ARID4B: variants seen among roughly 807,000 people sequenced by gnomAD.
The protein encoded by ARID4B is AT-rich interactive domain-containing protein 4B.
ARID4B carries 26 observed loss-of-function variants against 147.5 expected under a neutral mutation model. The ratio of observed to expected loss-of-function variants is 0.18; its 90% CI spans 0.13 to 0.24. The LOEUF is 0.24. ARID4B is among the 10% of genes least tolerant of loss of function. ARID4B has a pLI of 1.00. For missense variants in ARID4B, 1,179 were observed against 1,511.5 expected (o/e 0.78, Z 3.65); for synonymous variants, 512 against 507.9 (o/e 1.01, Z -0.11).
At chr1:235,290,034 TA>T (rs35157276) in intron 2 of ARID4B, among the ~76,000 whole-genome samples, 43,845 of 143,166 alleles carry the variant, frequency 0.31, 7,339 homozygotes, top group South Asian at 0.54. Flanking sequence ...ACTCTATCTC[TA>T]AAAAAAAAAA....
In ARID4B at chr1:235,168,338, G is replaced by C. The variant is rs572381678; in HGVS notation, c.*187C>G. The C allele has an allele frequency of 3.5e-6, 2 of 565,360 alleles. No individual in the cohort carries two copies. Among genetic ancestry groups the C allele is most frequent in the African/African-American group, 1.9e-5 (1 of 52,020 alleles). The allele number at this position is 565,360 out of a possible 1,614,324, so 35.0% of individuals were successfully genotyped here. ...CAAGTTGGAAACAATTATTGCTTGA[G>C]GAAAAGCAGTTCATTGTACTTTTTC... On this transcript the variant is annotated 3_prime_UTR_variant, in exon 24 of 24. Transcript: ENST00000264183.
chr1:235,321,446 T>C (rs1333954175), intron 2 of ARID4B, among the ~76,000 whole-genome samples: 2 of 151,980 alleles, frequency 1.3e-5, no homozygotes, highest in East Asian at 3.8e-4. Flanking sequence ...GTAACATCTA[T>C]CTAATTTCCT....
At chr1:235,322,321 A>C (rs1415233772) in intron 2 of ARID4B, among the ~76,000 whole-genome samples, 1 of 152,120 alleles carries the variant, frequency 6.6e-6, no homozygotes, top group Non-Finnish European at 1.5e-5. Flanking sequence ...TGCCTGGCCA[A>C]GAAAATTTTC....
intron 2 of ARID4B, among the ~76,000 whole-genome samples, chr1:235,280,341 T>C (rs1454280355): frequency 6.6e-6 from 1 of 152,198 alleles, no homozygotes; most frequent in Non-Finnish European, 1.5e-5. Flanking sequence ...TCACTGACAA[T>C]CCAAGGGAAA....
In ARID4B at chr1:235,196,220, G is replaced by A. The variant is rs1277150605; in HGVS notation, c.1842-105C>T. 1.3e-5 allele frequency: 7 copies of A among 529,706 alleles called. No individual in the cohort carries two copies. In the East Asian group the frequency reaches 1.4e-4, roughly 11 times the overall value. 32.8% of individuals were successfully genotyped at this position (529,706 alleles called of 1,614,324 possible). On this transcript the variant is annotated intron_variant, in intron 17 of 23. Coordinates refer to ENST00000264183, the MANE Select transcript of ARID4B (RefSeq NM_016374.6). ...TATAGAATCTTGACATTTTAGAAGGGAAAGGACCTTGGAAATCATCTCAGC... is the reference window on the plus strand; with the variant it reads ...TATAGAATCTTGACATTTTAGAAGGAAAAGGACCTTGGAAATCATCTCAGC...
intron 20 of ARID4B, chr1:235,181,010 T>G: frequency 1.8e-6 from 1 of 557,132 alleles, no homozygotes; most frequent in Non-Finnish European, 2.3e-6. Context: ...AACGTACACA[T>G]TGGTCCTTCA....
chr1:235,198,294 T>C (rs1242829804), intron 17 of ARID4B, among the ~76,000 whole-genome samples: 1 of 152,226 alleles, frequency 6.6e-6, no homozygotes, highest in Non-Finnish European at 1.5e-5. Flanking sequence ...TTATTATCAA[T>C]TATATTTTGA....
Position 235,220,386 on chromosome 1 carries a change from C to T in ARID4B, c.1323G>A (p.Met441Ile), listed in dbSNP as rs1402160663. 1.2e-6 allele frequency: 2 copies of T among 1,610,758 alleles called. No individual in the cohort carries two copies. The highest frequency in any genetic ancestry group is 8.5e-7 in the Non-Finnish European group (1 of 1,177,434). Residue 441 changes from methionine to isoleucine, a missense_variant, in exon 15 of 24, where the codon ATG (methionine) becomes ATA (isoleucine). By Grantham distance (10) the Met-to-Ile change is conservative. This residue lies in a region of ARID4B where 204 missense variants were observed against 210.9 expected (regional missense o/e 0.97). Coordinates refer to ENST00000264183, the MANE Select transcript of ARID4B (RefSeq NM_016374.6). ...TTGGTATTATATTCCTCTCCTCCTCCATCTTTATTTCTTTGATCTCTGTTT... is the reference window on the plus strand; with the variant it reads ...TTGGTATTATATTCCTCTCCTCCTCTATCTTTATTTCTTTGATCTCTGTTT... ...ENETEIKEIK[M>I]EEERNIIPRE...
At chr1:235,288,660 A>C (rs758007333) in intron 2 of ARID4B, among the ~76,000 whole-genome samples, 13 of 152,170 alleles carry the variant, frequency 8.5e-5, no homozygotes, top group Non-Finnish European at 1.8e-4. Context: ...TTCCCTATTA[A>C]AGAGGGCAGC....
At chr1:235,279,476 T>C (rs1331313713) in intron 2 of ARID4B, among the ~76,000 whole-genome samples, 2 of 152,094 alleles carry the variant, frequency 1.3e-5, no homozygotes, top group African/African-American at 4.8e-5. Context: ...GGCAGACCAA[T>C]TTAAAATAAT....
chr1:235,219,806 T>C lies in ARID4B; in HGVS notation c.1570A>G (p.Lys524Glu). The change falls in exon 16 of 24, where the codon AAA becomes GAA. Residue 524 changes from lysine (K) to glutamate (E), a missense_variant. Physicochemically the swap from Lys to Glu is moderately conservative, Grantham distance 56 (BLOSUM62 1). Transcript: ENST00000264183. ...LNIKVEAEEEKAKSGDETNKE... is the reference protein window; with the variant it reads ...LNIKVEAEEEEAKSGDETNKE... ...CAATTTTCTTACCCAGATTTTGCTTTTTCTTCCTCAGCTTCTACCTTTATG... is the reference window on the plus strand; with the variant it reads ...CAATTTTCTTACCCAGATTTTGCTTCTTCTTCCTCAGCTTCTACCTTTATG... 6.3e-7 allele frequency: 1 copy of C among 1,597,478 alleles called. No individual in the cohort carries two copies. Among genetic ancestry groups the C allele is most frequent in the Non-Finnish European group, 8.5e-7 (1 of 1,176,270 alleles).
chr1:235,194,341 G>A (rs976817636), intron 18 of ARID4B, 130 bp from the exon 19 acceptor site: 9 of 765,958 alleles, frequency 1.2e-5, no homozygotes, highest in African/African-American at 1.1e-4. Context: ...AAGAACATAA[G>A]AAGCCCCTCA....
At chr1:235,201,135 ACT>A (rs1423468729) in intron 17 of ARID4B, among the ~76,000 whole-genome samples, 5 of 152,054 alleles carry the variant, frequency 3.3e-5, no homozygotes, top group African/African-American at 4.8e-5. Flanking sequence ...ACACAGCGAG[ACT>A]CTGTCTCCAA....
At position 235,167,617 on chromosome 1, in the gene ARID4B, T is replaced by C. The variant is rs1487950573; in HGVS notation, c.*908A>G. On this transcript the variant is annotated 3_prime_UTR_variant, in exon 24 of 24. Transcript: ENST00000264183. ...TTACTTGTTCCTGAAGTCCTTTTGT[T>C]GTAGCTCATAATAAAATAAGCAATA... The C allele has an allele frequency of 9.4e-6, 2 of 213,214 alleles. No individual in the cohort carries two copies. The highest frequency in any genetic ancestry group is 1.9e-5 in the Non-Finnish European group (2 of 105,330). 13.2% of individuals were successfully genotyped at this position (213,214 alleles called of 1,614,324 possible). A position where few individuals can be genotyped will look rare whatever the true frequency, so the allele number is the denominator to read the frequency against.
intron 19 of ARID4B, among the ~76,000 whole-genome samples, chr1:235,188,105 G>C: frequency 6.6e-6 from 1 of 152,150 alleles, no homozygotes; most frequent in Non-Finnish European, 1.5e-5. Flanking sequence ...AAATATGTGT[G>C]TGGGGGGGTT....
At chr1:235,300,709 CTTTTT>C (rs111362486) in intron 2 of ARID4B, among the ~76,000 whole-genome samples, 2 of 149,014 alleles carry the variant, frequency 1.3e-5, no homozygotes, top group South Asian at 4.3e-4. Flanking sequence ...TACAAGAATA[CTTTTT>C]TTTTTATTTT....
chr1:235,216,141 C>G (rs552737533), intron 16 of ARID4B, among the ~76,000 whole-genome samples: 3 of 151,790 alleles, frequency 2.0e-5, no homozygotes, highest in African/African-American at 7.3e-5. Context: ...TCCGTGTTCA[C>G]GAAAGTATCA....
chr1:235,184,944 G>C (rs1420359411), intron 19 of ARID4B, among the ~76,000 whole-genome samples: 2 of 152,100 alleles, frequency 1.3e-5, no homozygotes, highest in Non-Finnish European at 2.9e-5. Context: ...GGCCTCCCAA[G>C]CAGCTGGGAC....
intron 19 of ARID4B, among the ~76,000 whole-genome samples, chr1:235,187,305 A>G (rs760499048): frequency 2.0e-5 from 3 of 151,856 alleles, no homozygotes; most frequent in Admixed American, 6.6e-5. Context: ...GCTGGTCTTG[A>G]ACTCCCGACC....
Sources: gnomAD v4.1 joint callset for allele counts (sites outside exome capture counted in the v4.1 genomes callset) on GRCh38, gnomAD v4.1.1 for gene constraint, gnomAD v4.1.1 regional missense constraint, MANE v1.5 for transcripts, NCBI Gene and HGNC (gene_info 2026-07-23, HGNC 2026-07-21) for gene names.